C1orf174: variants seen among roughly 807,000 people sequenced by gnomAD.
C1orf174 encodes chromosome 1 open reading frame 174.
C1orf174 carries 13 observed loss-of-function variants against 18.4 expected under a neutral mutation model. The observed-to-expected ratio is 0.71, with a 90% CI of 0.46 to 1.12. The LOEUF (loss-of-function observed/expected upper bound fraction) is 1.12. Ranked by LOEUF, C1orf174 falls within the 50% of genes most tolerant of loss-of-function variation. The pLI is 0.00. For missense variants in C1orf174, 309 were observed against 308.0 expected, an observed-to-expected ratio of 1.00 and a Z score of -0.02; for synonymous variants, 100 against 118.3, an observed-to-expected ratio of 0.85 and a Z score of 1.01.
chr1:3,890,184 T>A, intron 3 of C1orf174, 111 bp from the exon 4 acceptor site: 1 of 821,012 alleles, frequency 1.2e-6, no homozygotes, highest in Non-Finnish European at 2.0e-6. Context: ...TCTTCCCTTT[T>A]AGACGTGTGA....
intron 1 of C1orf174, among the ~76,000 whole-genome samples, chr1:3,897,726 T>C (rs10797354): frequency 0.71 from 108,287 of 152,034 alleles, 38,821 homozygotes; most frequent in African/African-American, 0.76. Flanking sequence ...TACAGTGGCA[T>C]AATCTTGGCT....
chr1:3,891,681 A>C, intron 2 of C1orf174: 1 of 985,996 alleles, frequency 1.0e-6, no homozygotes. Flanking sequence ...GGTGAACGGC[A>C]GACGGCATGA....
At position 3,890,060 on chromosome 1, in the gene C1orf174, G is replaced by GC. The variant is rs750142372; in HGVS notation, c.631dup (p.Ala211GlyfsTer23). On this transcript the variant is annotated frameshift_variant, in exon 4 of 4. Transcript: ENST00000361605. LOFTEE classifies it high-confidence loss of function. ...GCTCATTGAAGGACAAGATGAAGAC[G>GC]CAGGTGGGAGGTCCTTAGTGGAGAA... 6.2e-7 allele frequency: 1 copy of GC among 1,613,842 alleles called. No homozygotes were observed. Among genetic ancestry groups the GC allele is most frequent in the Non-Finnish European group, 8.5e-7 (1 of 1,179,848 alleles).
At position 3,898,438 on chromosome 1, in the gene C1orf174, G is replaced by A. The variant is rs113398999; in HGVS notation, c.15+1734C>T. On this transcript the variant is annotated intron_variant, in intron 1 of 3. Coordinates refer to ENST00000361605, the MANE Select transcript of C1orf174 (RefSeq NM_207356.3). ...GGTGAGAATCACTTGAACCCGGGAG[G>A]CAGAGGTTGCAGTGGGCCGAGATCA... Among the ~76,000 whole-genome samples, 1,407 of 151,938 alleles carry A rather than the reference G, an allele frequency of 9.3e-3. 22 individuals carry two copies. Among genetic ancestry groups the A allele is most frequent in the African/African-American group, 0.032 (1,330 of 41,358 alleles).
Position 3,891,203 on chromosome 1 carries a change from C to T in C1orf174, c.130-146G>A. 19 of 1,051,530 alleles carry T rather than the reference C, an allele frequency of 1.8e-5. No homozygotes were observed. The South Asian group carries it at 2.7e-4, about 15-fold the overall frequency. The allele number at this position is 1,051,530 out of a possible 1,614,324, so 65.1% of individuals were successfully genotyped here. A position where few individuals can be genotyped will look rare whatever the true frequency, so the allele number is the denominator to read the frequency against. On this transcript the variant is annotated intron_variant, in intron 2 of 3. Transcript: ENST00000361605. ...CACAGATCGTCATTTCACTGTTTTG[C>T]CACCAAGGGACAAAATACAAGCGAG...
At position 3,890,954 on chromosome 1, in the gene C1orf174, T is replaced by C. The variant is rs1412392263; in HGVS notation, c.233A>G (p.Asn78Ser). The C allele has an allele frequency of 6.2e-7, 1 of 1,614,196 alleles. No individual in the cohort carries two copies. Among genetic ancestry groups the C allele is most frequent in the Non-Finnish European group, 8.5e-7 (1 of 1,180,042 alleles). The change falls in exon 3 of 4, where the codon AAT (asparagine) becomes AGT (serine). Residue 78 changes from asparagine (N) to serine (S), a missense_variant. Physicochemically the swap from Asn to Ser is conservative, Grantham distance 46 (BLOSUM62 1). Coordinates refer to ENST00000361605, the MANE Select transcript of C1orf174 (RefSeq NM_207356.3). ...CACTTTTGGCAAAGAAGCGCTGTCATTCTTAGGGACAAGCTTCTGTAATTC... is the reference window on the plus strand; with the variant it reads ...CACTTTTGGCAAAGAAGCGCTGTCACTCTTAGGGACAAGCTTCTGTAATTC... ...KSELQKLVPK[N>S]DSASLPKVTP...
At chr1:3,898,699 C>T (rs974170378) in intron 1 of C1orf174, among the ~76,000 whole-genome samples, 53 of 152,174 alleles carry the variant, frequency 3.5e-4, no homozygotes, top group African/African-American at 1.2e-3. Flanking sequence ...TATTCCTCTA[C>T]CTCCTTCTCT....
At chr1:3,890,310 G>A (rs984773890) in intron 3 of C1orf174, among the ~76,000 whole-genome samples, 2 of 152,142 alleles carry the variant, frequency 1.3e-5, no homozygotes, top group Non-Finnish European at 2.9e-5. Flanking sequence ...CAGCAAGCGC[G>A]GGGTGGATGT....
chr1:3,891,300 A>C, intron 2 of C1orf174: 3 of 475,392 alleles, frequency 6.3e-6, no homozygotes, highest in East Asian at 4.1e-5. Flanking sequence ...GCTCCACACC[A>C]CTCCTACACT....
chr1:3,891,478 C>T (rs910209913), intron 2 of C1orf174: 1 of 494,638 alleles, frequency 2.0e-6, no homozygotes, highest in East Asian at 1.4e-4. Flanking sequence ...GCCTGGCACA[C>T]AGTAGGTGCT....
At position 3,896,762 on chromosome 1, in the gene C1orf174, C is replaced by T. The variant is rs115397051; in HGVS notation, c.15+3410G>A. 5.8e-3 allele frequency among the ~76,000 whole-genome samples: 876 copies of T among 152,290 alleles called. 7 individuals are homozygous for T. Among genetic ancestry groups the T allele is most frequent in the Middle Eastern group, 0.01 (3 of 294 alleles). ...CCAAACACTGACCTTAGAAAGTATC[C>T]CTTCGAAGAAGCCACAATTTGATTG... is the stretch of plus-strand genomic sequence containing the variant. On this transcript the variant is annotated intron_variant, in intron 1 of 3. Coordinates refer to ENST00000361605, the MANE Select transcript of C1orf174 (RefSeq NM_207356.3).
chr1:3,894,804 GC>G (rs1470051444), intron 1 of C1orf174, among the ~76,000 whole-genome samples: 13 of 152,068 alleles, frequency 8.5e-5, no homozygotes, highest in African/African-American at 3.1e-4. Flanking sequence ...CACAGGACAC[GC>G]CAGTTGCCCA....
chr1:3,899,440 G>A (rs977219409), intron 1 of C1orf174, among the ~76,000 whole-genome samples: 1 of 152,112 alleles, frequency 6.6e-6, no homozygotes, highest in Admixed American at 6.5e-5. Context: ...ACTGTGAAAA[G>A]GGTCCTTCGC....
chr1:3,893,572 T>C (rs1350846004), intron 1 of C1orf174, among the ~76,000 whole-genome samples: 1 of 152,218 alleles, frequency 6.6e-6, no homozygotes, highest in Admixed American at 6.5e-5. Context: ...TATTTAGGAA[T>C]AATTTTCGGC....
chr1:3,899,739 G>A (rs1019710169), intron 1 of C1orf174, among the ~76,000 whole-genome samples: 8 of 152,174 alleles, frequency 5.3e-5, no homozygotes, highest in African/African-American at 1.7e-4. Context: ...TCAAGGGGGC[G>A]TGACCTGGGA....
chr1:3,899,821 C>A (rs1304084232), intron 1 of C1orf174, among the ~76,000 whole-genome samples: 1 of 149,614 alleles, frequency 6.7e-6, no homozygotes, highest in Non-Finnish European at 1.5e-5. Context: ...CCCCCCTTCT[C>A]CCGCGGGCAT....
At chr1:3,894,085 A>C (rs1638561126) in intron 1 of C1orf174, among the ~76,000 whole-genome samples, 1 of 152,154 alleles carries the variant, frequency 6.6e-6, no homozygotes, top group Non-Finnish European at 1.5e-5. Flanking sequence ...CTGTTCCAGA[A>C]TCCAGTCCAC....
intron 2 of C1orf174, chr1:3,891,515 G>A (rs1638514090): frequency 1.8e-5 from 16 of 883,910 alleles, no homozygotes; most frequent in Non-Finnish European, 2.0e-5. Context: ...AATTGACTTC[G>A]ACAAAATTTT....
Position 3,889,975 on chromosome 1 carries a change from ATCG to A in C1orf174, c.714_716del (p.Asp240del), listed in dbSNP as rs1367744659. 8.1e-6 allele frequency: 13 copies of A among 1,613,892 alleles called. No individual in the cohort carries two copies. The highest frequency in any genetic ancestry group is 4.0e-5 in the African/African-American group (3 of 74,902). ...TGTATGGCCCCTACATTTCTGCATC[ATCG>A]TCGTCGTCATCATCATCATCTTTGG... On this transcript the variant is annotated inframe_deletion, in exon 4 of 4. Transcript: ENST00000361605.
Sources: allele counts gnomAD v4.1 joint callset (sites outside exome capture counted in the v4.1 genomes callset), GRCh38; gene constraint gnomAD v4.1.1; transcripts MANE v1.5; gene names NCBI Gene and HGNC (gene_info 2026-07-23, HGNC 2026-07-21).